Variants in LAMA2 observed in about 807,000 individuals in gnomAD.
The protein encoded by LAMA2 is laminin subunit alpha-2.
Under a neutral mutation model 364.8 loss-of-function variants are expected in LAMA2, and 269 were observed. That is an observed-to-expected ratio of 0.74 (90% CI 0.67 to 0.82). LAMA2 has a LOEUF of 0.82. LAMA2 is among the 40% of genes least tolerant of loss of function. The pLI is 0.00. For missense variants in LAMA2, 3,807 were observed against 3,873.2 expected, an observed-to-expected ratio of 0.98 and a Z score of 0.45; for synonymous variants, 1,379 against 1,370.6, an observed-to-expected ratio of 1.01 and a Z score of -0.14.
intron 17 of LAMA2, among the ~76,000 whole-genome samples, chr6:129,271,067 C>T (rs2114358570): frequency 6.6e-6 from 1 of 152,114 alleles, no homozygotes; most frequent in African/African-American, 2.4e-5. Flanking sequence ...CATGTACACA[C>T]CTACACACAG....
rs767497614 is a variant in LAMA2 at position 129,353,194 on chromosome 6, C to A, written c.4554C>A (p.Gly1518=). 22 of 1,613,796 alleles carry A rather than the reference C, an allele frequency of 1.4e-5. No homozygotes were observed. Among genetic ancestry groups the A allele is most frequent in the Non-Finnish European group, 1.9e-5 (22 of 1,179,864 alleles). Reference sequence around the variant, plus strand: ...CCCCTGGCTATACTGGCAGTCCAGGCAACCCTGGAGGCTCCTGCCAAGAAT... The same window carrying A: ...CCCCTGGCTATACTGGCAGTCCAGGAAACCCTGGAGGCTCCTGCCAAGAAT... The part of the protein sequence containing the change: ...RCAPGYTGSP[G]NPGGSCQECE... The change falls in exon 32 of 65, where the codon GGC becomes GGA. Residue 1518 remains glycine, a synonymous_variant. Coordinates refer to ENST00000421865, the MANE Select transcript of LAMA2 (RefSeq NM_000426.4).
At position 129,238,397 on chromosome 6, in the gene LAMA2, C is replaced by T. The variant is rs1785149732; in HGVS notation, c.1783-11715C>T. Among the ~76,000 whole-genome samples the T allele has an allele frequency of 2.0e-5, 3 of 152,138 alleles. No individual in the cohort carries two copies. In the South Asian group the frequency reaches 6.2e-4, roughly 31 times the overall value. On this transcript the variant is annotated intron_variant, in intron 12 of 64. Coordinates refer to ENST00000421865, the MANE Select transcript of LAMA2 (RefSeq NM_000426.4). ...TAAAACCCTTCAAAGTAGGTATTTTCATGCCCTTTTAGACATAACATAACG... is the reference window on the plus strand; with the variant it reads ...TAAAACCCTTCAAAGTAGGTATTTTTATGCCCTTTTAGACATAACATAACG...
intron 1 of LAMA2, among the ~76,000 whole-genome samples, chr6:128,933,230 CTGTGTGTGTGTGTG>C (rs71028134): frequency 2.0e-4 from 29 of 146,188 alleles, no homozygotes; most frequent in African/African-American, 7.0e-4. Context: ...CCCTCTCTTT[CTGTGTGTGTGTGTG>C]TGTGTGTGTG....
chr6:128,940,894 C>T (rs960430300), intron 1 of LAMA2, among the ~76,000 whole-genome samples: 8 of 152,140 alleles, frequency 5.3e-5, no homozygotes, highest in Non-Finnish European at 1.0e-4. Flanking sequence ...CAGGCTGCAG[C>T]GTGCTGAGAT....
At chr6:128,891,900 T>C (rs1379845921) in intron 1 of LAMA2, among the ~76,000 whole-genome samples, 1 of 152,052 alleles carries the variant, frequency 6.6e-6, no homozygotes, top group Non-Finnish European at 1.5e-5. Context: ...AACTGAATCG[T>C]AGAAAACGTA....
chr6:128,912,426 C>T (rs1778029323), intron 1 of LAMA2, among the ~76,000 whole-genome samples: 1 of 152,000 alleles, frequency 6.6e-6, no homozygotes, highest in Admixed American at 6.6e-5. Flanking sequence ...TTTTACATTT[C>T]TGGCAAATTT....
intron 3 of LAMA2, among the ~76,000 whole-genome samples, chr6:129,060,769 A>G (rs890794404): frequency 1.3e-5 from 2 of 152,064 alleles, no homozygotes; most frequent in Admixed American, 6.6e-5. Context: ...CATGAGTACA[A>G]TCTCCCTCCT....
chr6:129,211,509 C>T (rs2115073228), intron 12 of LAMA2, among the ~76,000 whole-genome samples: 1 of 152,296 alleles, frequency 6.6e-6, no homozygotes, highest in African/African-American at 2.4e-5. Flanking sequence ...AATGAAAGCT[C>T]AGAGACCATT....
rs1786217496 is a variant in LAMA2 at position 129,031,482 on chromosome 6, T to C, written c.113-18436T>C. On this transcript the variant is annotated intron_variant, in intron 1 of 64. Transcript: ENST00000421865. ...TATCAACCAAACCAACCTAATCCCA[T>C]AGAGAATTCAAAGTGACTCACGAAA... Among the ~76,000 whole-genome samples the C allele has an allele frequency of 4.6e-5, 7 of 152,112 alleles. 1 individual carries two copies. Among genetic ancestry groups the C allele is most frequent in the Admixed American group, 4.6e-4 (7 of 15,270 alleles).
chr6:129,508,014 A>G (rs1195210048), intron 62 of LAMA2, among the ~76,000 whole-genome samples: 2 of 152,122 alleles, frequency 1.3e-5, no homozygotes, highest in Non-Finnish European at 2.9e-5. Flanking sequence ...GCAAGGCTGT[A>G]TTTCATAATC....
intron 64 of LAMA2, 139 bp downstream of exon 64, chr6:129,514,734 A>G: frequency 2.7e-6 from 2 of 752,748 alleles, no homozygotes; most frequent in Non-Finnish European, 4.6e-6. Flanking sequence ...TAGAATCTGC[A>G]CCTTACCTAA....
intron 40 of LAMA2, among the ~76,000 whole-genome samples, chr6:129,415,002 T>C (rs1310468649): frequency 6.6e-6 from 1 of 152,210 alleles, no homozygotes; most frequent in Non-Finnish European, 1.5e-5. Context: ...CACCCTTCAG[T>C]TTCCCAATAT....
At chr6:129,426,648 A>C (rs1480407125) in intron 40 of LAMA2, among the ~76,000 whole-genome samples, 1 of 152,098 alleles carries the variant, frequency 6.6e-6, no homozygotes, top group Non-Finnish European at 1.5e-5. Context: ...ATTTATGTAG[A>C]TGTTTCCAAT....
chr6:129,467,327 T>C lies in LAMA2; in HGVS notation c.7300+2038T>C, dbSNP rs139158172. Among the ~76,000 whole-genome samples, 52 of 151,568 alleles carry C rather than the reference T, an allele frequency of 3.4e-4. 1 individual carries two copies. The East Asian group carries it at 5.5e-3, about 16-fold the overall frequency. ...CAATGGATACACGAAGACGTGAAGA[T>C]GGAAACAATAGACACTGGGGACTCC... is the stretch of plus-strand genomic sequence containing the variant. On this transcript the variant is annotated intron_variant, in intron 51 of 64. Transcript: ENST00000421865.
chr6:129,508,934 C>T (rs1231519792), intron 62 of LAMA2, among the ~76,000 whole-genome samples: 1 of 152,156 alleles, frequency 6.6e-6, no homozygotes, highest in Non-Finnish European at 1.5e-5. Flanking sequence ...CCAAACTGTT[C>T]TGCATAGCAG....
At chr6:129,158,937 A>C in intron 8 of LAMA2, 1 of 1,597,348 alleles carries the variant, frequency 6.3e-7, no homozygotes, top group Non-Finnish European at 8.6e-7. Context: ...CCTCAGCAAT[A>C]GCACTTGAAA....
At chr6:129,329,842 G>A (rs1775526334) in intron 29 of LAMA2, among the ~76,000 whole-genome samples, 1 of 152,160 alleles carries the variant, frequency 6.6e-6, no homozygotes, top group South Asian at 2.1e-4. Context: ...CACACAGCAG[G>A]AGGCAAGCAG....
intron 9 of LAMA2, among the ~76,000 whole-genome samples, chr6:129,166,949 G>T (rs1302762271): frequency 6.6e-6 from 1 of 151,894 alleles, no homozygotes; most frequent in Non-Finnish European, 1.5e-5. Context: ...ACTTTATATG[G>T]ACATTAAGAT....
chr6:129,311,127 C>CT (rs536502720), intron 22 of LAMA2, among the ~76,000 whole-genome samples: 234 of 141,772 alleles, frequency 1.7e-3, no homozygotes, highest in Middle Eastern at 3.7e-3. Context: ...GATGAAGATT[C>CT]TTTTTTTTTT....
Sources: allele counts gnomAD v4.1 joint callset (sites outside exome capture counted in the v4.1 genomes callset), GRCh38; gene constraint gnomAD v4.1.1; transcripts MANE v1.5; gene names NCBI Gene and HGNC (gene_info 2026-07-23, HGNC 2026-07-21).